Variants in TXNDC5 observed in about 807,000 individuals in gnomAD.
TXNDC5 encodes the protein thioredoxin domain containing 5.
In TXNDC5, 44 loss-of-function variants were observed where a neutral mutation model predicts 52.6. That is an observed-to-expected ratio of 0.84 (90% CI 0.66 to 1.08). TXNDC5 has a LOEUF of 1.08. TXNDC5 is among the 50% of genes least tolerant of loss of function. TXNDC5 has a pLI of 0.00. For missense variants in TXNDC5, 600 were observed against 565.5 expected (o/e 1.06, Z -0.62); for synonymous variants, 241 against 234.4 (o/e 1.03, Z -0.26).
chr6:7,897,454 T>C (rs1760412094), intron 3 of TXNDC5, among the ~76,000 whole-genome samples: 1 of 152,250 alleles, frequency 6.6e-6, no homozygotes, highest in Admixed American at 6.5e-5. Context: ...TGGTTTGCAG[T>C]ATAAAGTGTA....
At chr6:7,906,856 A>G (rs955767756) in intron 1 of TXNDC5, among the ~76,000 whole-genome samples, 11 of 152,190 alleles carry the variant, frequency 7.2e-5, no homozygotes, top group African/African-American at 2.2e-4. Flanking sequence ...TGGTTCCTAC[A>G]TGCTTCTCAT....
intron 2 of TXNDC5, among the ~76,000 whole-genome samples, chr6:7,901,880 T>C (rs1193717286): frequency 6.6e-6 from 1 of 152,194 alleles, no homozygotes; most frequent in Non-Finnish European, 1.5e-5. Context: ...GCAAGACAGA[T>C]CTGTGTAAGT....
intron 1 of TXNDC5, 23 bp downstream of exon 1, chr6:7,910,491 G>A: frequency 2.8e-6 from 4 of 1,414,384 alleles, no homozygotes; most frequent in Non-Finnish European, 3.7e-6. Context: ...TGCGGGGCAG[G>A]GCGCCGGCCT....
rs1273189169 is a variant in TXNDC5 at position 7,904,635 on chromosome 6, T to C, written c.352A>G (p.Lys118Glu). ...TCGGAGTGGGCCGTGCAGTCCACTT[T>C]AGCCACATAGACTTTGGCATCTTCC... Reference protein sequence around the residue: ...SMEDAKVYVAKVDCTAHSDVC... With the variant: ...SMEDAKVYVAEVDCTAHSDVC... Residue 118 changes from lysine to glutamate, a missense_variant, in exon 2 of 10, where the codon AAA (lysine) becomes GAA (glutamate). Physicochemically the swap from Lys to Glu is moderately conservative, Grantham distance 56. Transcript: ENST00000379757. The C allele has an allele frequency of 6.2e-7, 1 of 1,614,112 alleles. No individual in the cohort carries two copies. The highest frequency in any genetic ancestry group is 8.5e-7 in the Non-Finnish European group (1 of 1,180,062).
chr6:7,889,365 A>T, intron 6 of TXNDC5, 130 bp downstream of exon 6: 1 of 716,060 alleles, frequency 1.4e-6, no homozygotes, highest in Non-Finnish European at 2.3e-6. Flanking sequence ...GTTTCATTAT[A>T]CACATTTCTC....
chr6:7,893,457 A>G (rs1760265299), intron 4 of TXNDC5, among the ~76,000 whole-genome samples: 2 of 152,246 alleles, frequency 1.3e-5, no homozygotes. Context: ...ATGGGAAGCC[A>G]GCAAGGGCAG....
At chr6:7,909,725 T>C (rs994115531) in intron 1 of TXNDC5, 2 of 976,400 alleles carry the variant, frequency 2.0e-6, no homozygotes, top group Non-Finnish European at 2.4e-6. Context: ...CGCACTACCT[T>C]GGTCTTCCCG....
rs1361596535 is a variant in TXNDC5, at chr6:7,910,784, G to C, written c.-8C>G. ...TCCTGGGCGCGCGGGCATCGCGGCG[G>C]GGCTGGGCGCGCTCTCGCCGCGGCC... On this transcript the variant is annotated 5_prime_UTR_variant, in exon 1 of 10. Transcript: ENST00000379757. 1.0e-6 allele frequency: 1 copy of C among 985,972 alleles called. No homozygotes were observed. The highest frequency in any genetic ancestry group is 6.3e-5 in the Admixed American group (1 of 15,952). 61.1% of individuals were successfully genotyped at this position (985,972 alleles called of 1,614,324 possible). A position where few individuals can be genotyped will look rare whatever the true frequency, so the allele number is the denominator to read the frequency against.
At chr6:7,896,674 C>G (rs1760379097) in intron 3 of TXNDC5, among the ~76,000 whole-genome samples, 1 of 152,192 alleles carries the variant, frequency 6.6e-6, no homozygotes, top group Non-Finnish European at 1.5e-5. Flanking sequence ...GCTAAGTGAA[C>G]AGTCAATGGG....
rs1456170012 is a variant in TXNDC5, at chr6:7,895,095, G to C, written c.616+11C>G. The C allele has an allele frequency of 6.2e-7, 1 of 1,612,788 alleles. No homozygotes were observed. The highest frequency in any genetic ancestry group is 2.2e-5 in the East Asian group (1 of 44,852). On this transcript the variant is annotated intron_variant, in intron 4 of 9. Coordinates refer to ENST00000379757, the MANE Select transcript of TXNDC5 (RefSeq NM_030810.5). ...GATTCTCTGAAGCTGGCATCAGGAC[G>C]TCCCCCTTACCTTGTGCAACGTGCA... is the stretch of plus-strand genomic sequence containing the variant.
At chr6:7,894,584 T>C (rs540546673) in intron 4 of TXNDC5, among the ~76,000 whole-genome samples, 215 of 152,324 alleles carry the variant, frequency 1.4e-3, no homozygotes, top group Non-Finnish European at 1.8e-3. Flanking sequence ...ATATCAAAGT[T>C]ATGTTTACAC....
intron 9 of TXNDC5, among the ~76,000 whole-genome samples, chr6:7,883,496 C>G (rs904290211): frequency 6.6e-5 from 10 of 152,164 alleles, no homozygotes; most frequent in African/African-American, 2.2e-4. Context: ...AGATCAGCCT[C>G]AAAGGAACGA....
At chr6:7,888,659 G>A (rs757601203) in intron 7 of TXNDC5, 46 bp downstream of exon 7, 2 of 1,567,954 alleles carry the variant, frequency 1.3e-6, no homozygotes, top group African/African-American at 2.7e-5. Context: ...GGGGGGCCGG[G>A]GGCCACGGGC....
chr6:7,889,140 A>C (rs1760106437), intron 6 of TXNDC5: 1 of 455,800 alleles, frequency 2.2e-6, no homozygotes, highest in African/African-American at 2.0e-5. Context: ...TGAGCTGCTG[A>C]CCATCGGCCA....
intron 9 of TXNDC5, among the ~76,000 whole-genome samples, chr6:7,883,937 AT>A (rs1290958574): frequency 6.6e-6 from 1 of 150,580 alleles, no homozygotes; most frequent in East Asian, 2.0e-4. Context: ...AAAGGAGGTT[AT>A]GTTGAAATGA....
intron 4 of TXNDC5, chr6:7,894,720 C>A: frequency 1.0e-6 from 1 of 985,342 alleles, no homozygotes; most frequent in Non-Finnish European, 1.2e-6. Flanking sequence ...CTGGAAAAAC[C>A]GCTAGACCTG....
intron 7 of TXNDC5, among the ~76,000 whole-genome samples, chr6:7,888,257 A>T (rs2113326684): frequency 6.6e-6 from 1 of 152,304 alleles, no homozygotes; most frequent in South Asian, 2.1e-4. Context: ...ATCGCTGCGG[A>T]TGCCCTCTTG....
chr6:7,898,377 G>A (rs1160087860), intron 3 of TXNDC5, among the ~76,000 whole-genome samples: 1 of 152,180 alleles, frequency 6.6e-6, no homozygotes, highest in African/African-American at 2.4e-5. Flanking sequence ...GTCTTTGCAG[G>A]TGAGGGATGG....
intron 9 of TXNDC5, 35 bp from the exon 10 acceptor site, chr6:7,883,301 C>G (rs200430217): frequency 6.2e-7 from 1 of 1,612,570 alleles, no homozygotes; most frequent in African/African-American, 1.3e-5. Flanking sequence ...TGCAAACCAG[C>G]GGTCCAGATC....
Sources: gnomAD v4.1 joint callset for allele counts (sites outside exome capture counted in the v4.1 genomes callset) on GRCh38, gnomAD v4.1.1 for gene constraint, MANE v1.5 for transcripts, NCBI Gene and HGNC (gene_info 2026-07-23, HGNC 2026-07-21) for gene names.